Variants in TADA2B observed in about 807,000 individuals in gnomAD.
TADA2B encodes transcriptional adapter 2-beta.
In TADA2B, 13 loss-of-function variants were observed where a neutral mutation model predicts 34.5. That is an observed-to-expected ratio of 0.38 (90% confidence interval 0.25 to 0.60). The LOEUF (loss-of-function observed/expected upper bound fraction) is 0.60, where lower values mean the gene tolerates loss of function less well. Among genes scored for constraint, TADA2B ranks in the 20% least tolerant of loss-of-function variants. TADA2B has a pLI of 0.65. For missense variants in TADA2B, 442 were observed against 575.0 expected (o/e 0.77, Z 2.37); for synonymous variants, 240 against 243.4 (o/e 0.99, Z 0.13).
At chr4:7,046,017 G>C (rs1723620599) in intron 1 of TADA2B, 2 of 152,320 alleles carry the variant, frequency 1.3e-5, no homozygotes, top group African/African-American at 2.4e-5. Flanking sequence ...GACAGGAAGA[G>C]AATGGGGCTG....
At position 7,056,712 on chromosome 4, in the gene TADA2B, T is replaced by C. The variant is rs1166277892; in HGVS notation, c.*1658T>C. On this transcript the variant is annotated 3_prime_UTR_variant, in exon 2 of 2. Coordinates refer to ENST00000310074, the MANE Select transcript of TADA2B (RefSeq NM_152293.3). The stretch of plus-strand genomic sequence containing the variant: ...CTCTTTTAGCTAAGCCCAGAACTTC[T>C]CTTTTGACAATAAAGTACTGAGCAG... The C allele has an allele frequency of 2.0e-5, 3 of 152,158 alleles. No individual in the cohort carries two copies. The highest frequency in any genetic ancestry group is 2.0e-4 in the Admixed American group (3 of 15,280). 9.4% of individuals were successfully genotyped at this position (152,158 alleles called of 1,614,324 possible). A position where few individuals can be genotyped will look rare whatever the true frequency, so the allele number is the denominator to read the frequency against.
In TADA2B at chr4:7,057,399, G is replaced by A. The variant is rs1304857841; in HGVS notation, c.*2345G>A. The A allele has an allele frequency of 2.6e-5, 4 of 152,228 alleles. No individual in the cohort carries two copies. Among genetic ancestry groups the A allele is most frequent in the Admixed American group, 6.5e-5 (1 of 15,288 alleles). The allele number at this position is 152,228 out of a possible 1,614,324, so 9.4% of individuals were successfully genotyped here. A position where few individuals can be genotyped will look rare whatever the true frequency, so the allele number is the denominator to read the frequency against. On this transcript the variant is annotated 3_prime_UTR_variant, in exon 2 of 2. Transcript: ENST00000310074. The stretch of plus-strand genomic sequence containing the variant: ...TTAGCCCATCGACTATTCCCGTCAC[G>A]GTAGTCCTTACCTCTGTCGGCAGCT...
At chr4:7,047,443 G>T (rs144570681) in intron 1 of TADA2B, among the ~76,000 whole-genome samples, 410 of 152,354 alleles carry the variant, frequency 2.7e-3, no homozygotes, top group African/African-American at 9.3e-3. Flanking sequence ...GCCAGGTGGG[G>T]TGTCCTGAGT....
At chr4:7,044,774 C>T (rs915708838) in intron 1 of TADA2B, among the ~76,000 whole-genome samples, 1 of 152,194 alleles carries the variant, frequency 6.6e-6, no homozygotes, top group African/African-American at 2.4e-5. Flanking sequence ...CCAGAGTCTT[C>T]CCCTGCTACA....
intron 1 of TADA2B, 81 bp downstream of exon 1, chr4:7,043,930 C>A (rs6842659): frequency 0.34 from 473,519 of 1,385,818 alleles, 83,395 homozygotes; most frequent in Non-Finnish European, 0.37. Context: ...GCGCAGGCAG[C>A]GCTGGACCTG....
chr4:7,054,549 A>G lies in TADA2B; in HGVS notation c.758A>G (p.Lys253Arg), dbSNP rs768029764. Reference sequence around the variant, plus strand: ...AAGCGCAAGATCACCAAGGAGGAGAAGGAGCTGCGCCTGAAGCTGAGGCCG... The same window carrying G: ...AAGCGCAAGATCACCAAGGAGGAGAGGGAGCTGCGCCTGAAGCTGAGGCCG... ...ALKRKITKEE[K>R]ELRLKLRPLY... Residue 253 changes from lysine (K) to arginine (R), a missense_variant, in exon 2 of 2, where the codon AAG (lysine) becomes AGG (arginine). By Grantham distance (26) the Lys-to-Arg change is conservative. This residue lies in a region of TADA2B where 222 missense variants were observed against 235.2 expected (regional missense o/e 0.94). Coordinates refer to ENST00000310074, the MANE Select transcript of TADA2B (RefSeq NM_152293.3). 3.0e-5 allele frequency: 49 copies of G among 1,613,802 alleles called. No individual in the cohort carries two copies. Among genetic ancestry groups the G allele is most frequent in the African/African-American group, 4.0e-5 (3 of 74,950 alleles).
chr4:7,051,697 A>T (rs1266015708), intron 1 of TADA2B, among the ~76,000 whole-genome samples: 4 of 151,378 alleles, frequency 2.6e-5, no homozygotes, highest in African/African-American at 9.7e-5. Context: ...TCCCGGGTTC[A>T]CGCCATTCTC....
rs868093366 is a variant in TADA2B at position 7,056,762 on chromosome 4, A to G, written c.*1708A>G. The G allele has an allele frequency of 6.6e-6, 1 of 152,214 alleles. No individual in the cohort carries two copies. The highest frequency in any genetic ancestry group is 2.4e-5 in the African/African-American group (1 of 41,456). The allele number at this position is 152,214 out of a possible 1,614,324, so 9.4% of individuals were successfully genotyped here. A position where few individuals can be genotyped will look rare whatever the true frequency, so the allele number is the denominator to read the frequency against. ...GTGGTATCATGAGGGCCACCTCCAC[A>G]TTGTCCCCTGCAGAATAAATGCGGA... is the stretch of plus-strand genomic sequence containing the variant. On this transcript the variant is annotated 3_prime_UTR_variant, in exon 2 of 2. Transcript: ENST00000310074.
chr4:7,050,819 C>T (rs1393783096), intron 1 of TADA2B, among the ~76,000 whole-genome samples: 1 of 152,236 alleles, frequency 6.6e-6, no homozygotes, highest in Non-Finnish European at 1.5e-5. Context: ...ATCACAACAT[C>T]GGGAAGCGGC....
chr4:7,049,882 C>A (rs796458227), intron 1 of TADA2B, among the ~76,000 whole-genome samples: 18 of 152,364 alleles, frequency 1.2e-4, no homozygotes, highest in African/African-American at 4.1e-4. Context: ...TCTGTCCTGC[C>A]GCTAGCTGCA....
chr4:7,043,543 T>TGCGGCGGGCCGG lies in TADA2B; in HGVS notation c.-27_-16dup, dbSNP rs1240350963. The stretch of plus-strand genomic sequence containing the variant: ...CGCTGACGGCCGGGGGCGCGGCGGC[T>TGCGGCGGGCCGG]GCGGCGGGCCGGGCGGCGGGCGGCG... On this transcript the variant is annotated 5_prime_UTR_variant, in exon 1 of 2. Coordinates refer to ENST00000310074, the MANE Select transcript of TADA2B (RefSeq NM_152293.3). The TGCGGCGGGCCGG allele has an allele frequency of 8.6e-7, 1 of 1,161,956 alleles. No individual in the cohort carries two copies. The allele number at this position is 1,161,956 out of a possible 1,614,324, so 72.0% of individuals were successfully genotyped here.
chr4:7,045,410 A>G (rs1231982502), intron 1 of TADA2B, among the ~76,000 whole-genome samples: 1 of 152,076 alleles, frequency 6.6e-6, no homozygotes, highest in Non-Finnish European at 1.5e-5. Context: ...CCATTCCCCT[A>G]TTCCACACAC....
At position 7,054,850 on chromosome 4, in the gene TADA2B, T is replaced by G; in HGVS notation, c.1059T>G (p.Asp353Glu). Residue 353 changes from aspartate (D) to glutamate (E), a missense_variant, in exon 2 of 2, where the codon GAT becomes GAG. Asp to Glu is a conservative substitution (Grantham distance 45). Transcript: ENST00000310074. ...ENLPGFELLS[D>E]REKVLCSSLN... The stretch of plus-strand genomic sequence containing the variant: ...TTCCAGGCTTCGAGCTCCTGTCAGA[T>G]CGCGAGAAGGTGCTCTGCAGCTCTT... 6.2e-7 allele frequency: 1 copy of G among 1,613,902 alleles called. No homozygotes were observed. Among genetic ancestry groups the G allele is most frequent in the Non-Finnish European group, 8.5e-7 (1 of 1,179,876 alleles).
chr4:7,046,133 T>G (rs1013156917), intron 1 of TADA2B: 18 of 152,212 alleles, frequency 1.2e-4, no homozygotes, highest in Non-Finnish European at 2.9e-5. Flanking sequence ...CAACCAGGAC[T>G]CAGGGGGTGC....
chr4:7,054,241 G>A lies in TADA2B; in HGVS notation c.450G>A (p.Pro150=), dbSNP rs764909836. 7 of 1,609,060 alleles carry A rather than the reference G, an allele frequency of 4.4e-6. No homozygotes were observed. The highest frequency in any genetic ancestry group is 2.7e-5 in the African/African-American group (2 of 74,874). The change falls in exon 2 of 2, where the codon CCG becomes CCA. Residue 150 remains proline, a synonymous_variant. Transcript: ENST00000310074. ...CCCTCTCACCCAGCCTCACCACCCC[G>A]CTGCCCCCGCTGGACATCTCTGTGG... ...GGPLSPSLTT[P]LPPLDISVAE...
chr4:7,054,370 TGAC>T lies in TADA2B; in HGVS notation c.587_589del (p.Asp196del), dbSNP rs1723839628. On this transcript the variant is annotated inframe_deletion, in exon 2 of 2. Transcript: ENST00000310074. ...TCAGCGGGCTCTCTGTCAACTATGATGACGACGACGTGGAGATCGAGCTGAAGC... is the reference window on the plus strand; with the variant it reads ...TCAGCGGGCTCTCTGTCAACTATGATGACGACGTGGAGATCGAGCTGAAGC... 1 of 1,613,488 alleles carries T rather than the reference TGAC, an allele frequency of 6.2e-7. No individual in the cohort carries two copies.
chr4:7,057,593 C>T lies in TADA2B; in HGVS notation c.*2539C>T, dbSNP rs891239871. The T allele has an allele frequency of 1.3e-5, 2 of 152,202 alleles. No homozygotes were observed. Among genetic ancestry groups the T allele is most frequent in the Non-Finnish European group, 2.9e-5 (2 of 68,060 alleles). The allele number at this position is 152,202 out of a possible 1,614,324, so 9.4% of individuals were successfully genotyped here. ...CACGAGGTCAAGAGATCGAGACCAT[C>T]CTGGCCAACATGGTGAAACCCTGTC... On this transcript the variant is annotated 3_prime_UTR_variant, in exon 2 of 2. Coordinates refer to ENST00000310074, the MANE Select transcript of TADA2B (RefSeq NM_152293.3).
chr4:7,057,859 CTGAA>C lies in TADA2B; in HGVS notation c.*2808_*2811del, dbSNP rs1288387677. On this transcript the variant is annotated 3_prime_UTR_variant, in exon 2 of 2. Transcript: ENST00000310074. ...TCATCTATATTTGAAATAATGCTGT[CTGAA>C]TGGCCAACATCCCAAGAATGTATTA... is the stretch of plus-strand genomic sequence containing the variant. 2 of 151,288 alleles carry C rather than the reference CTGAA, an allele frequency of 1.3e-5. No individual in the cohort carries two copies. Among genetic ancestry groups the C allele is most frequent in the Non-Finnish European group, 2.9e-5 (2 of 67,898 alleles). The allele number at this position is 151,288 out of a possible 1,614,324, so 9.4% of individuals were successfully genotyped here.
chr4:7,046,152 G>T (rs868372856), intron 1 of TADA2B: 1 of 152,212 alleles, frequency 6.6e-6, no homozygotes, highest in South Asian at 2.1e-4. Flanking sequence ...GCACTGGCCC[G>T]TGACCACCCA....
Sources: gnomAD v4.1 joint callset for allele counts (sites outside exome capture counted in the v4.1 genomes callset) on GRCh38, gnomAD v4.1.1 for gene constraint, gnomAD v4.1.1 regional missense constraint, MANE v1.5 for transcripts, NCBI Gene and HGNC (gene_info 2026-07-23, HGNC 2026-07-21) for gene names.